Variants in ALG13 observed in about 807,000 individuals in gnomAD.
ALG13 encodes UDP-N-acetylglucosamine transferase subunit ALG13.
A neutral mutation model predicts 87.8 loss-of-function variants in ALG13; 11 were observed. The observed-to-expected ratio is 0.13, with a 90% CI of 0.08 to 0.21. The LOEUF (loss-of-function observed/expected upper bound fraction) is 0.21, where lower values mean the gene tolerates loss of function less well. Ranked by LOEUF, ALG13 falls within the 10% of genes least tolerant of loss-of-function variation. The probability of loss-of-function intolerance (pLI) is 1.00; values close to 1 mark genes in which losing one functional copy is unlikely to be tolerated. For missense variants in ALG13, 756 were observed against 866.1 expected (o/e 0.87, Z 1.60); for synonymous variants, 320 against 306.3 (o/e 1.04, Z -0.47).
chrX:111,699,240 A>C (rs923771021), intron 3 of ALG13, among the ~76,000 whole-genome samples: 4 of 105,755 alleles, frequency 3.8e-5, no homozygotes, highest in African/African-American at 1.4e-4. Context: ...ATTTCCTTAC[A>C]GGTTTTTTTT....
At chrX:111,742,160 T>G (rs1382937577) in intron 23 of ALG13, among the ~76,000 whole-genome samples, 2 of 112,124 alleles carry the variant, frequency 1.8e-5, no homozygotes, top group African/African-American at 6.5e-5. Context: ...TAGATCTGGC[T>G]GATTTTTAGT....
chrX:111,719,853 T>C (rs1294027723), intron 10 of ALG13, among the ~76,000 whole-genome samples: 2 of 112,047 alleles, frequency 1.8e-5, no homozygotes, highest in African/African-American at 3.2e-5. Context: ...GCAGGGATCA[T>C]AGGGATCACC....
chrX:111,716,203 A>G (rs368709091), intron 8 of ALG13, among the ~76,000 whole-genome samples: 1 of 111,334 alleles, frequency 9.0e-6, no homozygotes, highest in Non-Finnish European at 1.9e-5. Context: ...TCTTAGTAAT[A>G]TAGATCTACC....
At chrX:111,748,620 G>T (rs758053487) in intron 24 of ALG13, among the ~76,000 whole-genome samples, 1 of 111,876 alleles carries the variant, frequency 8.9e-6, no homozygotes, top group African/African-American at 3.2e-5. Context: ...TTGAGTTGCA[G>T]ACGTTCTCTG....
At position 111,681,302 on chromosome X, in the gene ALG13, G is replaced by A; in HGVS notation, c.81+3G>A. On this transcript the variant is annotated splice_donor_region_variant and intron_variant, in intron 1 of 26. Transcript: ENST00000394780. ...TGTCGGCGCCCGACAGTCTGCAAGT[G>A]AGTGAGGGAGGCGAGCAGGCGGCGG... 8.3e-7 allele frequency: 1 copy of A among 1,211,550 alleles called. No individual in the cohort carries two copies. Among genetic ancestry groups the A allele is most frequent in the South Asian group, 1.8e-5 (1 of 57,013 alleles).
intron 5 of ALG13, among the ~76,000 whole-genome samples, chrX:111,709,335 T>C (rs1166528186): frequency 1.8e-5 from 2 of 112,414 alleles, no homozygotes; most frequent in African/African-American, 6.5e-5. Flanking sequence ...TTGATTGCTG[T>C]TTTATATTAT....
intron 21 of ALG13, among the ~76,000 whole-genome samples, chrX:111,733,584 TCTG>T (rs1218073970): frequency 1.8e-5 from 2 of 111,980 alleles, no homozygotes; most frequent in Non-Finnish European, 3.8e-5. Flanking sequence ...GATTGCAAAC[TCTG>T]CTGCTATAAA....
rs1941249998 is a variant in ALG13, at chrX:111,720,381, G to A, written c.1326+211G>A. Among the ~76,000 whole-genome samples, 4 of 111,890 alleles carry A rather than the reference G, an allele frequency of 3.6e-5. No individual in the cohort carries two copies. In the South Asian group the frequency reaches 1.5e-3, roughly 41 times the overall value. On this transcript the variant is annotated intron_variant, in intron 11 of 26. Coordinates refer to ENST00000394780, the MANE Select transcript of ALG13 (RefSeq NM_001099922.3). Reference sequence around the variant, plus strand: ...TTTTTACAGAATTTTAGATTTTTCAGAACAAACTGAACACTTCAGAAATTT... The same window carrying A: ...TTTTTACAGAATTTTAGATTTTTCAAAACAAACTGAACACTTCAGAAATTT...
intron 5 of ALG13, among the ~76,000 whole-genome samples, 164 bp downstream of exon 5, chrX:111,709,212 C>A (rs1017569368): frequency 1.8e-5 from 2 of 111,830 alleles, no homozygotes; most frequent in Non-Finnish European, 3.8e-5. Flanking sequence ...CTTCTTGAGC[C>A]TCTGCTAGAA....
chrX:111,757,492 TA>T, intron 25 of ALG13, 95 bp from the exon 26 acceptor site: 2 of 681,896 alleles, frequency 2.9e-6, no homozygotes, highest in East Asian at 4.0e-5. Flanking sequence ...GCCCAATTCT[TA>T]TTTTTTTTTT....
intron 26 of ALG13, among the ~76,000 whole-genome samples, chrX:111,758,321 T>C (rs923148852): frequency 1.8e-5 from 2 of 112,031 alleles, no homozygotes; most frequent in Non-Finnish European, 3.8e-5. Context: ...GGATAAGCTA[T>C]CATTATTCAC....
intron 23 of ALG13, among the ~76,000 whole-genome samples, chrX:111,742,259 C>T (rs764627442): frequency 9.0e-6 from 1 of 110,777 alleles, no homozygotes; most frequent in South Asian, 3.8e-4. Flanking sequence ...AGGCCCCTTC[C>T]ATCCTTAAGT....
At position 111,756,379 on chromosome X, in the gene ALG13, C is replaced by T. The variant is rs746632859; in HGVS notation, c.2974-1209C>T. ...TACCCATGTAACAAACCTGCATGTTCTGCATGTGTATCCCAAAACTTGTGT... is the reference window on the plus strand; with the variant it reads ...TACCCATGTAACAAACCTGCATGTTTTGCATGTGTATCCCAAAACTTGTGT... On this transcript the variant is annotated intron_variant, in intron 25 of 26. Coordinates refer to ENST00000394780, the MANE Select transcript of ALG13 (RefSeq NM_001099922.3). Among the ~76,000 whole-genome samples, 45 of 111,484 alleles carry T rather than the reference C, an allele frequency of 4.0e-4. 1 individual carries two copies. Among genetic ancestry groups the T allele is most frequent in the Non-Finnish European group, 7.5e-4 (40 of 53,098 alleles).
At chrX:111,747,134 G>C (rs1344861642) in intron 24 of ALG13, among the ~76,000 whole-genome samples, 2 of 111,441 alleles carry the variant, frequency 1.8e-5, no homozygotes, top group African/African-American at 6.5e-5. Flanking sequence ...TCATGAGTTT[G>C]GAAAAATGAA....
intron 14 of ALG13, among the ~76,000 whole-genome samples, chrX:111,724,207 C>T (rs1941716432): frequency 8.9e-6 from 1 of 112,053 alleles, no homozygotes; most frequent in African/African-American, 3.2e-5. Flanking sequence ...GAGCCTCTGC[C>T]AGCATGAAGA....
rs770600982 is a variant in ALG13 at position 111,757,634 on chromosome X, TGCA to T, written c.3029_3031del (p.Gln1010del). 9 of 1,207,241 alleles carry T rather than the reference TGCA, an allele frequency of 7.5e-6. No homozygotes were observed. The highest frequency in any genetic ancestry group is 1.8e-5 in the African/African-American group (1 of 56,727). On this transcript the variant is annotated inframe_deletion, in exon 26 of 27. Transcript: ENST00000394780. ...CACTCCATGGTCTATGTGCCACAGA[TGCA>T]GCAGCAGCTTCATGTAGAGAATTAT...
intron 25 of ALG13, among the ~76,000 whole-genome samples, chrX:111,753,549 C>T (rs2148479333): frequency 9.0e-6 from 1 of 111,430 alleles, no homozygotes; most frequent in Non-Finnish European, 1.9e-5. Context: ...GACCATTAGC[C>T]AGGTGAATAA....
intron 24 of ALG13, among the ~76,000 whole-genome samples, chrX:111,750,656 C>CTTATTTAT (rs767738920): frequency 1.7e-4 from 18 of 108,818 alleles, no homozygotes; most frequent in African/African-American, 5.7e-4. Flanking sequence ...TGTTTATTTA[C>CTTATTTAT]TTATTTATTT....
intron 25 of ALG13, among the ~76,000 whole-genome samples, chrX:111,756,088 A>C (rs1300828229): frequency 8.9e-6 from 1 of 112,370 alleles, no homozygotes; most frequent in Non-Finnish European, 1.9e-5. Context: ...GCAGCCATAA[A>C]AAAGAATGAG....
Sources: allele counts gnomAD v4.1 joint callset (sites outside exome capture counted in the v4.1 genomes callset), GRCh38; gene constraint gnomAD v4.1.1; transcripts MANE v1.5; gene names NCBI Gene and HGNC (gene_info 2026-07-23, HGNC 2026-07-21).